GPD2: variants seen among roughly 807,000 people sequenced by gnomAD.
The protein encoded by GPD2 is glycerol-3-phosphate dehydrogenase 2, also known as glycerol-3-phosphate dehydrogenase, mitochondrial.
GPD2 carries 54 observed loss-of-function variants against 82.4 expected under a neutral mutation model. The ratio of observed to expected loss-of-function variants is 0.66; its 90% CI spans 0.53 to 0.82. GPD2 has a LOEUF of 0.82. Among genes scored for constraint, GPD2 ranks in the 40% least tolerant of loss-of-function variants. GPD2 has a pLI of 0.00. For missense variants in GPD2, 748 were observed against 896.2 expected, an observed-to-expected ratio of 0.83 and a Z score of 2.11; for synonymous variants, 288 against 306.1, an observed-to-expected ratio of 0.94 and a Z score of 0.62.
chr2:156,481,624 A>G (rs534105943), intron 2 of GPD2, among the ~76,000 whole-genome samples: 24 of 151,816 alleles, frequency 1.6e-4, no homozygotes, highest in Admixed American at 5.9e-4. Context: ...GTGTTGTTGC[A>G]AATGACAGGA....
intron 6 of GPD2, among the ~76,000 whole-genome samples, chr2:156,525,130 A>G (rs754661388): frequency 1.6e-4 from 24 of 152,192 alleles, no homozygotes; most frequent in Non-Finnish European, 3.1e-4. Flanking sequence ...CTTTTTTAGT[A>G]TCCTCCAAAT....
At chr2:156,439,172 G>T (rs1005033218) in intron 1 of GPD2, among the ~76,000 whole-genome samples, 2 of 152,156 alleles carry the variant, frequency 1.3e-5, no homozygotes, top group Non-Finnish European at 2.9e-5. Flanking sequence ...GTAAAATTCT[G>T]CATATGCAAG....
chr2:156,578,846 T>C (rs1264480110), intron 13 of GPD2, 43 bp from the exon 14 acceptor site: 1 of 1,128,688 alleles, frequency 8.9e-7, no homozygotes, highest in Non-Finnish European at 1.4e-6. Context: ...AAAAAATCAA[T>C]ATTTCCATGT....
chr2:156,535,274 TGAGAGAGA>T (rs141987512), intron 6 of GPD2, among the ~76,000 whole-genome samples: 1 of 141,682 alleles, frequency 7.1e-6, no homozygotes, highest in East Asian at 2.1e-4. Context: ...GAATCCCAGG[TGAGAGAGA>T]GAGAGAGAAA....
intron 6 of GPD2, among the ~76,000 whole-genome samples, chr2:156,524,253 T>C (rs557598339): frequency 6.6e-6 from 1 of 152,176 alleles, no homozygotes. Context: ...TTCCCTTTGA[T>C]GTAAATTGGT....
intron 1 of GPD2, among the ~76,000 whole-genome samples, chr2:156,452,108 G>A (rs1371683391): frequency 1.3e-4 from 19 of 151,424 alleles, no homozygotes; most frequent in African/African-American, 4.6e-4. Flanking sequence ...CGTCCCAGAC[G>A]ATGGGTGGCC....
At chr2:156,435,217 A>G (rs764168536), upstream of GPD2, 2 of 152,110 alleles carry the variant, frequency 1.3e-5, no homozygotes, top group Non-Finnish European at 2.9e-5. Context: ...GTTCACACTA[A>G]TTTTCTTCCT....
rs1390930383 is a variant in GPD2 at position 156,570,676 on chromosome 2, A to AT, written c.1609-455dup. On this transcript the variant is annotated intron_variant, in intron 12 of 16. Coordinates refer to ENST00000438166, the MANE Select transcript of GPD2 (RefSeq NM_000408.5). ...CTTAAAATATCGATGTCCAGTGAACATTTACTTGTTGATTGAATTCAGGAT... is the reference window on the plus strand; with the variant it reads ...CTTAAAATATCGATGTCCAGTGAACATTTTACTTGTTGATTGAATTCAGGAT... Among the ~76,000 whole-genome samples, 57 of 152,278 alleles carry AT rather than the reference A, an allele frequency of 3.7e-4. 1 individual carries two copies. The highest frequency in any genetic ancestry group is 1.7e-3 in the South Asian group (8 of 4,830).
chr2:156,562,193 G>A (rs1339199879), intron 9 of GPD2, among the ~76,000 whole-genome samples: 1 of 152,140 alleles, frequency 6.6e-6, no homozygotes, highest in Non-Finnish European at 1.5e-5. Context: ...ACTTCTTTAG[G>A]CAGCTTCTCT....
At chr2:156,426,207 G>A in the GPD2 span, among the ~76,000 whole-genome samples, 4 of 152,222 alleles carry the variant, frequency 2.6e-5, no homozygotes, top group African/African-American at 7.2e-5. Context: ...ACAGGCGTGA[G>A]CCACCACGCC....
At chr2:156,509,162 G>A (rs1443821906) in intron 3 of GPD2, among the ~76,000 whole-genome samples, 1 of 152,076 alleles carries the variant, frequency 6.6e-6, no homozygotes, top group East Asian at 1.9e-4. Context: ...AGTGACCTGG[G>A]GCTGTGATAC....
rs796774498 is a variant in GPD2, at chr2:156,578,372, C to CT, written c.1768-504dup. Among the ~76,000 whole-genome samples the CT allele has an allele frequency of 2.6e-3, 382 of 145,988 alleles. 2 individuals are homozygous for CT. Among genetic ancestry groups the CT allele is most frequent in the Admixed American group, 6.0e-3 (87 of 14,520 alleles). ...TCCAAGATAGCTTCACCTTTAATTA[C>CT]TTTTTTTTTTTTTGTCACCAAACTA... On this transcript the variant is annotated intron_variant, in intron 13 of 16. Transcript: ENST00000438166.
chr2:156,574,838 A>G (rs1338590707), intron 13 of GPD2, among the ~76,000 whole-genome samples: 2 of 152,234 alleles, frequency 1.3e-5, no homozygotes, highest in Non-Finnish European at 2.9e-5. Flanking sequence ...GAAGAAAAAA[A>G]CAAAAGCAAA....
At chr2:156,431,885 C>CTTTTTT (rs34394250), upstream of GPD2, among the ~76,000 whole-genome samples, 1 of 119,956 alleles carries the variant, frequency 8.3e-6, no homozygotes, top group Admixed American at 9.0e-5. Flanking sequence ...TCTGTGAAAT[C>CTTTTTT]TTTTTTTTTT....
At chr2:156,460,245 C>T (rs973169894) in intron 1 of GPD2, among the ~76,000 whole-genome samples, 9 of 152,176 alleles carry the variant, frequency 5.9e-5, no homozygotes, top group African/African-American at 2.2e-4. Flanking sequence ...ACAGTACGAT[C>T]CTAGCCCACT....
At chr2:156,519,800 G>T (rs1425495189) in intron 6 of GPD2, among the ~76,000 whole-genome samples, 1 of 152,228 alleles carries the variant, frequency 6.6e-6, no homozygotes, top group Non-Finnish European at 1.5e-5. Context: ...AGGTGCCTGG[G>T]CCAGGGTGAG....
intron 1 of GPD2, among the ~76,000 whole-genome samples, chr2:156,446,367 A>ATTAC (rs1558901987): frequency 6.6e-6 from 1 of 152,064 alleles, no homozygotes; most frequent in East Asian, 1.9e-4. Context: ...AAGTGCTGGG[A>ATTAC]TTACAGGTGT....
At chr2:156,515,943 A>C (rs1685182014) in intron 6 of GPD2, among the ~76,000 whole-genome samples, 1 of 152,250 alleles carries the variant, frequency 6.6e-6, no homozygotes. Flanking sequence ...TGTGATGATC[A>C]AATTGAATAT....
intron 9 of GPD2, among the ~76,000 whole-genome samples, chr2:156,568,485 T>A (rs1464258744): frequency 1.3e-5 from 2 of 152,144 alleles, no homozygotes; most frequent in Non-Finnish European, 2.9e-5. Context: ...TGGTTTTGAT[T>A]GTTTCTGCTT....
Sources: allele counts gnomAD v4.1 joint callset (sites outside exome capture counted in the v4.1 genomes callset), GRCh38; gene constraint gnomAD v4.1.1; transcripts MANE v1.5; gene names NCBI Gene and HGNC (gene_info 2026-07-23, HGNC 2026-07-21).